Variants in NCOA4 observed in about 807,000 individuals in gnomAD.
NCOA4 encodes nuclear receptor coactivator 4.
A neutral mutation model predicts 69.5 loss-of-function variants in NCOA4; 31 were observed. The observed-to-expected ratio is 0.45, with a 90% confidence interval of 0.34 to 0.60. NCOA4 has a LOEUF of 0.60. Among genes scored for constraint, NCOA4 ranks in the 20% least tolerant of loss-of-function variants. The pLI is 0.02. For synonymous variants in NCOA4, 228 were observed against 252.4 expected (o/e 0.90, Z 0.92); for missense variants, 600 against 719.2 (o/e 0.83, Z 1.90).
At chr10:46,021,123 T>C (rs1000138055) in intron 1 of NCOA4, among the ~76,000 whole-genome samples, 3 of 152,174 alleles carry the variant, frequency 2.0e-5, no homozygotes, top group Non-Finnish European at 4.4e-5. Flanking sequence ...AGTCTGAAGA[T>C]CATGGCACCA....
At chr10:46,017,209 T>C (rs1289018122) in intron 1 of NCOA4, among the ~76,000 whole-genome samples, 1 of 152,130 alleles carries the variant, frequency 6.6e-6, no homozygotes, top group Non-Finnish European at 1.5e-5. Context: ...TTTTTTTATT[T>C]AGGAAGAACT....
At chr10:46,007,243 G>T (rs782551250) in intron 9 of NCOA4, among the ~76,000 whole-genome samples, 2 of 152,188 alleles carry the variant, frequency 1.3e-5, no homozygotes, top group Non-Finnish European at 2.9e-5. Flanking sequence ...AGGCCAAAGC[G>T]TAACCCCAGA....
At chr10:46,014,816 A>G in intron 4 of NCOA4, 38 bp downstream of exon 4, 1 of 1,541,882 alleles carries the variant, frequency 6.5e-7, no homozygotes, top group East Asian at 2.2e-5. Context: ...ACCAAAGTTC[A>G]AGAGTCAAAA....
In NCOA4 at chr10:46,017,352, G is replaced by T. The variant is rs982963787; in HGVS notation, c.-14-658C>A. On this transcript the variant is annotated intron_variant, in intron 1 of 9. Coordinates refer to ENST00000581486, the MANE Select transcript of NCOA4 (RefSeq NM_001145263.2). ...ACTTGATTCCAGGAGTTCGGGACCAGCCTGGGCAAAATAGCCAGACCCCGT... is the reference window on the plus strand; with the variant it reads ...ACTTGATTCCAGGAGTTCGGGACCATCCTGGGCAAAATAGCCAGACCCCGT... Among the ~76,000 whole-genome samples, 4 of 152,254 alleles carry T rather than the reference G, an allele frequency of 2.6e-5. No individual in the cohort carries two copies. In the East Asian group the frequency reaches 7.7e-4, roughly 29 times the overall value.
At chr10:46,027,067 A>G (rs555216969) in intron 1 of NCOA4, among the ~76,000 whole-genome samples, 31 of 152,244 alleles carry the variant, frequency 2.0e-4, no homozygotes, top group Admixed American at 3.3e-4. Context: ...TCAGGAGATC[A>G]AGACCATCCT....
At position 46,010,572 on chromosome 10, in the gene NCOA4, G is replaced by C; in HGVS notation, c.1349C>G (p.Pro450Arg). ...ATTCAGGGAATCTTTATGCTTCTCAGGCTCAGGTTTGGGTTCCACAGGCAT... is the reference window on the plus strand; with the variant it reads ...ATTCAGGGAATCTTTATGCTTCTCACGCTCAGGTTTGGGTTCCACAGGCAT... ...NGMPVEPKPE[P>R]EKHKDSLNMW... Residue 450 changes from proline (P) to arginine (R), a missense_variant, in exon 8 of 10, where the codon CCT (proline) becomes CGT (arginine). By Grantham distance (103) the Pro-to-Arg change is moderately radical. Transcript: ENST00000581486. 1 of 1,614,152 alleles carries C rather than the reference G, an allele frequency of 6.2e-7. No homozygotes were observed. The highest frequency in any genetic ancestry group is 8.5e-7 in the Non-Finnish European group (1 of 1,180,016).
In NCOA4 at chr10:46,006,483, C is replaced by A. The variant is rs553761205; in HGVS notation, c.*109G>T. The A allele has an allele frequency of 2.6e-4, 322 of 1,244,866 alleles. No homozygotes were observed. The highest frequency in any genetic ancestry group is 1.1e-3 in the Middle Eastern group (4 of 3,792). The allele number at this position is 1,244,866 out of a possible 1,614,324, so 77.1% of individuals were successfully genotyped here. A position where few individuals can be genotyped will look rare whatever the true frequency, so the allele number is the denominator to read the frequency against. On this transcript the variant is annotated 3_prime_UTR_variant, in exon 10 of 10. Transcript: ENST00000581486. Reference sequence around the variant, plus strand: ...AGTTCAAAATTAGGCAGGAGAAGAACTAAGCTAATTGGTCAGACCCAGAAA... The same window carrying A: ...AGTTCAAAATTAGGCAGGAGAAGAAATAAGCTAATTGGTCAGACCCAGAAA...
rs782685182 is a variant in NCOA4 at position 46,014,567 on chromosome 10, AC to A, written c.372-16del. ...AACTGCCCAGTCTGGGGAAAAAAAA[AC>A]AAAATTGGCTATTTTTAAGGAATAT... On this transcript the variant is annotated splice_polypyrimidine_tract_variant and intron_variant, in intron 4 of 9. Transcript: ENST00000581486. 1 of 1,556,798 alleles carries A rather than the reference AC, an allele frequency of 6.4e-7. No homozygotes were observed.
intron 1 of NCOA4, chr10:46,019,503 C>CTGT (rs1239461186): frequency 2.0e-6 from 2 of 985,302 alleles, no homozygotes; most frequent in African/African-American, 3.5e-5. Context: ...GTGTGGAATG[C>CTGT]CACAATGCCT....
At chr10:46,007,944 T>C (rs1482368957) in intron 9 of NCOA4, among the ~76,000 whole-genome samples, 2 of 152,204 alleles carry the variant, frequency 1.3e-5, no homozygotes, top group African/African-American at 2.4e-5. Flanking sequence ...AGAATTATGC[T>C]AAATCTACTC....
intron 1 of NCOA4, among the ~76,000 whole-genome samples, chr10:46,028,233 T>TA (rs1840263797): frequency 6.6e-6 from 1 of 152,204 alleles, no homozygotes; most frequent in African/African-American, 2.4e-5. Context: ...CTTTTATTTT[T>TA]AAAAGTCTTG....
intron 4 of NCOA4, 34 bp from the exon 5 acceptor site, chr10:46,014,586 A>C: frequency 6.8e-7 from 1 of 1,463,796 alleles, no homozygotes; most frequent in Non-Finnish European, 9.5e-7. Context: ...GCTATTTTTA[A>C]GGAATATCTG....
At chr10:46,011,265 C>G in intron 7 of NCOA4, 59 bp from the exon 8 acceptor site, 1 of 1,493,446 alleles carries the variant, frequency 6.7e-7, no homozygotes, top group Non-Finnish European at 9.0e-7. Flanking sequence ...TTTGGAGATT[C>G]TGTCTGCACT....
Position 46,010,926 on chromosome 10 carries a change from A to G in NCOA4, c.995T>C (p.Phe332Ser), listed in dbSNP as rs781788944. 18 of 1,613,830 alleles carry G rather than the reference A, an allele frequency of 1.1e-5. No homozygotes were observed. In the East Asian group the frequency reaches 3.6e-4, roughly 32 times the overall value. Residue 332 changes from phenylalanine to serine, a missense_variant, in exon 8 of 10, where the codon TTC becomes TCC. Physicochemically the swap from Phe to Ser is radical, Grantham distance 155. Transcript: ENST00000581486. ...RETSEKFKLLFQSYNVNDWLV... is the reference protein window; with the variant it reads ...RETSEKFKLLSQSYNVNDWLV... The stretch of plus-strand genomic sequence containing the variant: ...CCAATCATTCACATTATAGGACTGG[A>G]ATAAGAGCTTAAACTTCTCACTGGT...
At chr10:46,023,721 A>G (rs1554925022) in intron 1 of NCOA4, among the ~76,000 whole-genome samples, 1 of 152,226 alleles carries the variant, frequency 6.6e-6, no homozygotes, top group Non-Finnish European at 1.5e-5. Context: ...TAATGGGCCC[A>G]ACTCAATGAG....
chr10:46,010,162 T>C (rs1839119501), intron 8 of NCOA4, 61 bp downstream of exon 8: 8 of 1,519,580 alleles, frequency 5.3e-6, no homozygotes, highest in Non-Finnish European at 7.0e-6. Flanking sequence ...AGACCCCATC[T>C]CAAAATAAAT....
intron 6 of NCOA4, 129 bp downstream of exon 6, chr10:46,013,421 T>C (rs1839352448): frequency 1.5e-6 from 1 of 667,752 alleles, no homozygotes; most frequent in Admixed American, 3.2e-5. Context: ...AAGCATTCAA[T>C]TTCATAAACT....
chr10:46,021,005 C>T (rs1839836783), intron 1 of NCOA4, among the ~76,000 whole-genome samples: 2 of 152,206 alleles, frequency 1.3e-5, no homozygotes, highest in African/African-American at 4.8e-5. Flanking sequence ...GAGGAGGAAA[C>T]ACACATACCC....
At chr10:46,026,472 G>C (rs1296656317) in intron 1 of NCOA4, among the ~76,000 whole-genome samples, 3 of 152,114 alleles carry the variant, frequency 2.0e-5, no homozygotes, top group African/African-American at 7.2e-5. Flanking sequence ...ATATTGGGGG[G>C]ACTATATTCA....
Sources: allele counts gnomAD v4.1 joint callset (sites outside exome capture counted in the v4.1 genomes callset), GRCh38; gene constraint gnomAD v4.1.1; transcripts MANE v1.5; gene names NCBI Gene and HGNC (gene_info 2026-07-23, HGNC 2026-07-21).